PARD3B: variants seen among roughly 807,000 people sequenced by gnomAD.
The protein encoded by PARD3B is partitioning defective 3 homolog B.
A neutral mutation model predicts 130.2 loss-of-function variants in PARD3B; 103 were observed. The ratio of observed to expected loss-of-function variants is 0.79; its 90% CI spans 0.67 to 0.93. The LOEUF (loss-of-function observed/expected upper bound fraction) is 0.93. Ranked by LOEUF, PARD3B falls within the 40% of genes least tolerant of loss-of-function variation. The pLI is 0.00. For synonymous variants in PARD3B, 583 were observed against 553.2 expected (o/e 1.05, Z -0.76); for missense variants, 1,609 against 1,499.2 (o/e 1.07, Z -1.21).
chr2:205,021,617 TCTCC>T lies in PARD3B; in HGVS notation c.395-25960_395-25957del, dbSNP rs1230603105. Reference sequence around the variant, plus strand: ...TCTTCTCTCTCTCTCTCTCTCTCTCTCTCCCTCTCTCTTTCTCTCTCTCTCTCTC... The same window carrying T: ...TCTTCTCTCTCTCTCTCTCTCTCTCTCTCTCTCTTTCTCTCTCTCTCTCTC... On this transcript the variant is annotated intron_variant, in intron 3 of 22. Coordinates refer to ENST00000406610, the MANE Select transcript of PARD3B (RefSeq NM_001302769.2). The surrounding 1 kb of genome is among the most constrained non-coding windows in gnomAD (Gnocchi z 4.5). 3.6e-5 allele frequency among the ~76,000 whole-genome samples: 5 copies of T among 138,690 alleles called. No homozygotes were observed. Among genetic ancestry groups the T allele is most frequent in the Non-Finnish European group, 7.7e-5 (5 of 64,574 alleles). 91.0% of individuals were successfully genotyped at this position (138,690 alleles called of 152,430 possible).
intron 1 of PARD3B, among the ~76,000 whole-genome samples, chr2:204,639,471 G>A: frequency 6.6e-6 from 1 of 152,238 alleles, no homozygotes; most frequent in East Asian, 1.9e-4. Context: ...TGGATTCAAC[G>A]AAATGCAGAT....
chr2:204,898,730 T>C (rs2046737211), intron 2 of PARD3B, among the ~76,000 whole-genome samples: 1 of 152,184 alleles, frequency 6.6e-6, no homozygotes, highest in Admixed American at 6.5e-5. Flanking sequence ...TTCAAGTCAG[T>C]AGCTATTATT....
rs77794078 is a variant in PARD3B at position 204,751,270 on chromosome 2, A to C, written c.222+64988A>C. 4.8e-3 allele frequency among the ~76,000 whole-genome samples: 736 copies of C among 152,322 alleles called. 13 individuals are homozygous for C. The highest frequency in any genetic ancestry group is 0.038 in the East Asian group (197 of 5,180). On this transcript the variant is annotated intron_variant, in intron 2 of 22. Coordinates refer to ENST00000406610, the MANE Select transcript of PARD3B (RefSeq NM_001302769.2). ...GCAAATGGAGCCATATCCAGGCTTG[A>C]TGGGATCTGAAGCATATAAAATTTG...
rs1008970701 is a variant in PARD3B, at chr2:205,258,857, G to A, written c.2185+13035G>A. Among the ~76,000 whole-genome samples the A allele has an allele frequency of 6.6e-6, 1 of 152,026 alleles. No homozygotes were observed. Reference sequence around the variant, plus strand: ...TATTTAGATTTATGTTTTATTTTCAGTTTTAAATTTGGACTACTTTTTAAT... The same window carrying A: ...TATTTAGATTTATGTTTTATTTTCAATTTTAAATTTGGACTACTTTTTAAT... On this transcript the variant is annotated intron_variant, in intron 16 of 22. Coordinates refer to ENST00000406610, the MANE Select transcript of PARD3B (RefSeq NM_001302769.2). This position sits in a 1 kb window ranked among gnomAD's most constrained non-coding sequence, Gnocchi z 4.9.
At chr2:205,124,779 T>C (rs1396447990) in intron 9 of PARD3B, among the ~76,000 whole-genome samples, 7 of 152,296 alleles carry the variant, frequency 4.6e-5, no homozygotes, top group Non-Finnish European at 8.8e-5. Context: ...GAATTCAACA[T>C]ATATTCAGTT....
At chr2:204,839,302 A>G (rs780390328) in intron 2 of PARD3B, among the ~76,000 whole-genome samples, 2 of 152,194 alleles carry the variant, frequency 1.3e-5, no homozygotes, top group East Asian at 1.9e-4. Flanking sequence ...GGCACATATC[A>G]TCGTATCAAT....
chr2:205,522,577 T>G (rs4673333), intron 21 of PARD3B, among the ~76,000 whole-genome samples: 142,831 of 152,134 alleles, frequency 0.94, 67,687 homozygotes, highest in East Asian at 1. Flanking sequence ...CTTACTGAGT[T>G]CCTATAGTAT....
Position 205,176,367 on chromosome 2 carries a change from C to T in PARD3B, c.1792-78C>T. 1 of 1,361,900 alleles carries T rather than the reference C, an allele frequency of 7.3e-7. No individual in the cohort carries two copies. Among genetic ancestry groups the T allele is most frequent in the South Asian group, 1.4e-5 (1 of 69,392 alleles). The allele number at this position is 1,361,900 out of a possible 1,614,324, so 84.4% of individuals were successfully genotyped here. ...CTTGAAAGACTATTCATACAGCGAT[C>T]ATTCTTTCACTTTGCTTCAACTGAC... On this transcript the variant is annotated intron_variant, in intron 12 of 22. Transcript: ENST00000406610. The surrounding 1 kb of genome is among the most constrained non-coding windows in gnomAD (Gnocchi z 5.3).
In PARD3B at chr2:205,292,257, A is replaced by C. The variant is rs2041635724; in HGVS notation, c.2186-8273A>C. Among the ~76,000 whole-genome samples, 2 of 152,070 alleles carry C rather than the reference A, an allele frequency of 1.3e-5. No individual in the cohort carries two copies. Among genetic ancestry groups the C allele is most frequent in the South Asian group, 2.1e-4 (1 of 4,818 alleles). ...CCTCATGAATGGGATTAGTTTCCTT[A>C]TAAAAAAAAGACTCACAGAGAGTTC... is the stretch of plus-strand genomic sequence containing the variant. On this transcript the variant is annotated intron_variant, in intron 16 of 22. Coordinates refer to ENST00000406610, the MANE Select transcript of PARD3B (RefSeq NM_001302769.2). The surrounding 1 kb of genome is among the most constrained non-coding windows in gnomAD (Gnocchi z 5.3).
intron 15 of PARD3B, among the ~76,000 whole-genome samples, chr2:205,225,006 G>A (rs1356069643): frequency 2.0e-5 from 3 of 151,956 alleles, no homozygotes; most frequent in Non-Finnish European, 4.4e-5. Context: ...TCATTCCTCT[G>A]TTGATGGACA....
At chr2:205,198,595 A>G (rs898135012) in intron 15 of PARD3B, among the ~76,000 whole-genome samples, 1 of 152,154 alleles carries the variant, frequency 6.6e-6, no homozygotes, top group African/African-American at 2.4e-5. Context: ...TACAAAGGTA[A>G]ATATTTGAGA....
At chr2:204,942,826 T>A (rs1689012059) in intron 2 of PARD3B, among the ~76,000 whole-genome samples, 1 of 152,140 alleles carries the variant, frequency 6.6e-6, no homozygotes, top group East Asian at 1.9e-4. Flanking sequence ...TATCTCTTTC[T>A]GTTAAAGAAA....
At chr2:205,046,088 A>G (rs911181523) in intron 3 of PARD3B, among the ~76,000 whole-genome samples, 3 of 152,120 alleles carry the variant, frequency 2.0e-5, no homozygotes, top group African/African-American at 4.8e-5. Flanking sequence ...AGGATATTGC[A>G]TTTAGACTGA....
At chr2:204,644,886 A>T (rs1242721681) in intron 1 of PARD3B, among the ~76,000 whole-genome samples, 1 of 152,196 alleles carries the variant, frequency 6.6e-6, no homozygotes, top group Non-Finnish European at 1.5e-5. Context: ...ATAAATGGCA[A>T]GTATGAAAAA....
chr2:205,552,563 C>G (rs1253764869), intron 21 of PARD3B, among the ~76,000 whole-genome samples: 3 of 151,978 alleles, frequency 2.0e-5, no homozygotes, highest in Non-Finnish European at 2.9e-5. Context: ...CGTGCACCAC[C>G]ACACCCGGCT....
chr2:205,429,807 G>A (rs2047267301), intron 19 of PARD3B, among the ~76,000 whole-genome samples: 1 of 152,150 alleles, frequency 6.6e-6, no homozygotes, highest in African/African-American at 2.4e-5. Context: ...CTGGAGACCA[G>A]AAGTCTGAAA....
chr2:205,205,040 A>G, intron 15 of PARD3B, among the ~76,000 whole-genome samples: 1 of 152,182 alleles, frequency 6.6e-6, no homozygotes, highest in East Asian at 1.9e-4. Context: ...TACTTTGGGC[A>G]GTATGGCCAT....
In PARD3B at chr2:205,111,065, T is replaced by G. The variant is rs539386814; in HGVS notation, c.594-2426T>G. Among the ~76,000 whole-genome samples, 67 of 152,228 alleles carry G rather than the reference T, an allele frequency of 4.4e-4. 1 individual carries two copies. Among genetic ancestry groups the G allele is most frequent in the Admixed American group, 2.0e-3 (30 of 15,286 alleles). On this transcript the variant is annotated intron_variant, in intron 5 of 22. Coordinates refer to ENST00000406610, the MANE Select transcript of PARD3B (RefSeq NM_001302769.2). The stretch of plus-strand genomic sequence containing the variant: ...GTGAACTGGTCCATGGGGCATTATT[T>G]TTCAAATGTTCTCCTTTCTAACTTG...
At chr2:204,969,063 G>A (rs545634019) in intron 3 of PARD3B, among the ~76,000 whole-genome samples, 1 of 152,304 alleles carries the variant, frequency 6.6e-6, no homozygotes, top group South Asian at 2.1e-4. Context: ...ATCAGCCAAA[G>A]CATGTTACCA....
Sources: gnomAD v4.1 joint callset for allele counts (sites outside exome capture counted in the v4.1 genomes callset) on GRCh38, gnomAD v4.1.1 for gene constraint, Gnocchi (gnomAD v3.1) non-coding constraint, MANE v1.5 for transcripts, NCBI Gene and HGNC (gene_info 2026-07-23, HGNC 2026-07-21) for gene names.